NRXN1: variants seen among roughly 807,000 people sequenced by gnomAD.
NRXN1 encodes neurexin 1.
Under a neutral mutation model 150.9 loss-of-function variants are expected in NRXN1, and 39 were observed. The ratio of observed to expected loss-of-function variants is 0.26; its 90% CI spans 0.20 to 0.34. NRXN1 has a LOEUF of 0.34. Ranked by LOEUF, NRXN1 falls within the 10% of genes least tolerant of loss-of-function variation. The pLI, the probability that NRXN1 is intolerant of heterozygous loss-of-function variation, is 1.00. For missense variants in NRXN1, 1,815 were observed against 1,949.9 expected, an observed-to-expected ratio of 0.93 and a Z score of 1.30; for synonymous variants, 924 against 757.0, an observed-to-expected ratio of 1.22 and a Z score of -3.62.
rs528774649 is a variant in NRXN1 at position 50,483,228 on chromosome 2, A to G, written c.3071-10757T>C. ...ATGCCATGTCAACGTCAGGATCAGA[A>G]AGTTACCCTATATGGCTTAAAAAGG... On this transcript the variant is annotated intron_variant, in intron 15 of 22. Coordinates refer to ENST00000401669, the MANE Select transcript of NRXN1 (RefSeq NM_001330078.2). Among the ~76,000 whole-genome samples, 67 of 152,142 alleles carry G rather than the reference A, an allele frequency of 4.4e-4. No homozygotes were observed. In the South Asian group the frequency reaches 0.014, roughly 32 times the overall value.
At chr2:50,392,211 A>G (rs938883465) in intron 17 of NRXN1, among the ~76,000 whole-genome samples, 1 of 152,168 alleles carries the variant, frequency 6.6e-6, no homozygotes, top group Non-Finnish European at 1.5e-5. Context: ...TAGCAAAAAT[A>G]CACTAAAGGA....
intron 17 of NRXN1, among the ~76,000 whole-genome samples, chr2:50,342,465 A>G (rs1392382360): frequency 2.0e-5 from 3 of 152,234 alleles, no homozygotes; most frequent in African/African-American, 7.2e-5. Context: ...TTAAAGCTAA[A>G]TATTTCCCCA....
intron 2 of NRXN1, among the ~76,000 whole-genome samples, chr2:51,016,993 A>G (rs1437703066): frequency 6.6e-6 from 1 of 151,990 alleles, no homozygotes; most frequent in Admixed American, 6.6e-5. Flanking sequence ...TCTCAGCAAA[A>G]TAACACAGGA....
intron 2 of NRXN1, among the ~76,000 whole-genome samples, chr2:50,990,697 G>A (rs1173495107): frequency 6.6e-6 from 1 of 151,976 alleles, no homozygotes; most frequent in Admixed American, 6.6e-5. Context: ...TTAAACAGGA[G>A]TATGATTTTT....
intron 15 of NRXN1, among the ~76,000 whole-genome samples, chr2:50,472,823 GTGTGTGTATATA>G (rs751714567): frequency 6.4e-5 from 9 of 140,778 alleles, no homozygotes; most frequent in African/African-American, 2.3e-4. Context: ...GTGTGTGTGT[GTGTGTGTATATA>G]TATATATAAG....
intron 5 of NRXN1, among the ~76,000 whole-genome samples, chr2:50,674,488 T>A (rs772449443): frequency 6.6e-6 from 1 of 151,994 alleles, no homozygotes; most frequent in Admixed American, 6.6e-5. Flanking sequence ...CATAATCTCA[T>A]TGGAAGCTTA....
intron 2 of NRXN1, among the ~76,000 whole-genome samples, chr2:51,002,472 C>T (rs1700194212): frequency 6.6e-6 from 1 of 151,934 alleles, no homozygotes; most frequent in Admixed American, 6.6e-5. Context: ...TGTTCCAAAA[C>T]ACAAAACGAT....
intron 17 of NRXN1, among the ~76,000 whole-genome samples, chr2:50,267,658 T>C (rs1235780635): frequency 6.6e-6 from 1 of 152,194 alleles, no homozygotes; most frequent in Non-Finnish European, 1.5e-5. Context: ...ATTTACCTAA[T>C]GCCCATAGCA....
At chr2:50,545,286 T>C (rs1463835504) in intron 9 of NRXN1, among the ~76,000 whole-genome samples, 1 of 152,182 alleles carries the variant, frequency 6.6e-6, no homozygotes, top group Non-Finnish European at 1.5e-5. Context: ...TAGACACATA[T>C]ACATTTTAAA....
At position 50,974,647 on chromosome 2, in the gene NRXN1, A is replaced by G. The variant is rs113280715; in HGVS notation, c.773-48692T>C. 5.3e-3 allele frequency among the ~76,000 whole-genome samples: 809 copies of G among 152,136 alleles called. 6 individuals are homozygous for G. The highest frequency in any genetic ancestry group is 8.0e-3 in the Non-Finnish European group (544 of 67,992). On this transcript the variant is annotated intron_variant, in intron 2 of 22. Transcript: ENST00000401669. ...TGGCATTATCTTACTAAGGCCCTCA[A>G]TGTAATTCCTGGGTAGCTTTTATCC...
intron 5 of NRXN1, among the ~76,000 whole-genome samples, chr2:50,649,068 T>G (rs1685209721): frequency 6.6e-6 from 1 of 151,970 alleles, no homozygotes; most frequent in Admixed American, 6.6e-5. Flanking sequence ...CAGCAGTGAA[T>G]TCAGCTTAAT....
At chr2:50,265,625 A>C (rs568496370) in intron 17 of NRXN1, among the ~76,000 whole-genome samples, 1 of 152,326 alleles carries the variant, frequency 6.6e-6, no homozygotes, top group East Asian at 1.9e-4. Flanking sequence ...AAGAAGAAAA[A>C]TACAGAAACC....
At chr2:49,931,770 T>C (rs1391346063) in intron 22 of NRXN1, among the ~76,000 whole-genome samples, 4 of 152,166 alleles carry the variant, frequency 2.6e-5, no homozygotes, top group African/African-American at 9.7e-5. Context: ...ATGTGGATGA[T>C]ACTCCTTATT....
chr2:50,442,253 C>T (rs184586990), intron 17 of NRXN1, among the ~76,000 whole-genome samples: 2 of 152,242 alleles, frequency 1.3e-5, no homozygotes, highest in Admixed American at 1.3e-4. Flanking sequence ...AGCACCATGC[C>T]TAGCACATAG....
At chr2:50,341,638 G>A (rs563086262) in intron 17 of NRXN1, among the ~76,000 whole-genome samples, 1 of 152,288 alleles carries the variant, frequency 6.6e-6, no homozygotes, top group East Asian at 1.9e-4. Flanking sequence ...CATTATTAGT[G>A]TAAATTTAAA....
At chr2:50,315,152 C>T (rs2075494074) in intron 17 of NRXN1, among the ~76,000 whole-genome samples, 1 of 152,030 alleles carries the variant, frequency 6.6e-6, no homozygotes, top group African/African-American at 2.4e-5. Flanking sequence ...TGCTTTATCT[C>T]TCTGAAGAAT....
At chr2:50,241,170 A>G (rs2065963599) in intron 17 of NRXN1, among the ~76,000 whole-genome samples, 1 of 151,564 alleles carries the variant, frequency 6.6e-6, no homozygotes, top group South Asian at 2.1e-4. Context: ...AAAGAATATT[A>G]GCTCATCACC....
intron 8 of NRXN1, among the ~76,000 whole-genome samples, chr2:50,571,550 T>C (rs940431140): frequency 4.6e-5 from 7 of 152,164 alleles, no homozygotes; most frequent in Non-Finnish European, 1.0e-4. Context: ...ATTTGATAAG[T>C]GTGTAGTTCT....
intron 15 of NRXN1, among the ~76,000 whole-genome samples, chr2:50,480,610 C>T (rs1451998939): frequency 2.6e-5 from 4 of 152,162 alleles, no homozygotes; most frequent in Non-Finnish European, 5.9e-5. Flanking sequence ...CTCATCTGCA[C>T]TTCCTTTTGG....
Sources: allele counts gnomAD v4.1 joint callset (sites outside exome capture counted in the v4.1 genomes callset), GRCh38; gene constraint gnomAD v4.1.1; transcripts MANE v1.5; gene names NCBI Gene and HGNC (gene_info 2026-07-23, HGNC 2026-07-21).